The following GBF1 variants were observed in gnomAD, a reference collection of about 807,000 sequenced individuals.
GBF1 encodes Golgi-specific brefeldin A-resistance guanine nucleotide exchange factor 1.
In GBF1, 114 loss-of-function variants were observed where a neutral mutation model predicts 210.5. That is an observed-to-expected ratio of 0.54 (90% CI 0.47 to 0.63). The LOEUF (loss-of-function observed/expected upper bound fraction) is 0.63, where lower values mean the gene tolerates loss of function less well. GBF1 is among the 30% of genes least tolerant of loss of function. The probability of loss-of-function intolerance (pLI) is 0.00; values close to 1 mark genes in which losing one functional copy is unlikely to be tolerated. For missense variants in GBF1, 1,851 were observed against 2,357.7 expected, an observed-to-expected ratio of 0.79 and a Z score of 4.45; for synonymous variants, 850 against 889.2, an observed-to-expected ratio of 0.96 and a Z score of 0.78.
intron 3 of GBF1, among the ~76,000 whole-genome samples, chr10:102,265,005 C>T (rs755001590): frequency 3.3e-5 from 5 of 152,140 alleles, no homozygotes; most frequent in East Asian, 1.9e-4. Context: ...TCTTCAGTCT[C>T]GCAGCTAGAC....
chr10:102,376,865 A>T lies in GBF1; in HGVS notation c.4288+65A>T, dbSNP rs2060529149. On this transcript the variant is annotated intron_variant, in intron 32 of 39. Coordinates refer to ENST00000369983, the MANE Select transcript of GBF1 (RefSeq NM_001377137.1). ...GCAATTATGCAGGGGAGAGGCTGAGAGGGGAGAAAAGGCAGGGTATCTATG... is the reference window on the plus strand; with the variant it reads ...GCAATTATGCAGGGGAGAGGCTGAGTGGGGAGAAAAGGCAGGGTATCTATG... The T allele has an allele frequency of 1.1e-5, 17 of 1,608,266 alleles. No homozygotes were observed. The East Asian group carries it at 3.6e-4, about 34-fold the overall frequency.
chr10:102,269,347 A>C (rs1022267186), intron 3 of GBF1, among the ~76,000 whole-genome samples: 1 of 152,230 alleles, frequency 6.6e-6, no homozygotes, highest in Non-Finnish European at 1.5e-5. Flanking sequence ...AGGGCAATAA[A>C]TTGGCATATG....
In GBF1 at chr10:102,361,724, A is replaced by C. The variant is rs1197667682; in HGVS notation, c.1498A>C (p.Ile500Leu). Residue 500 changes from isoleucine (I) to leucine (L), a missense_variant, in exon 14 of 40, where the codon ATC becomes CTC. Ile to Leu is a conservative substitution (Grantham distance 5). This residue lies in a region of GBF1 where 804 missense variants were observed against 958.6 expected (regional missense o/e 0.84). Coordinates refer to ENST00000369983, the MANE Select transcript of GBF1 (RefSeq NM_001377137.1). ...EHLKFQMEMY[I>L]KKLMEIITVE... ...ATTACTGGGTTATTGCCAGATGTAC[A>C]TCAAAAAGCTTATGGAGATCATCAC... 6.3e-7 allele frequency: 1 copy of C among 1,574,870 alleles called. No homozygotes were observed. The highest frequency in any genetic ancestry group is 8.6e-7 in the Non-Finnish European group (1 of 1,160,068).
At chr10:102,288,764 C>T (rs1012554818) in intron 3 of GBF1, among the ~76,000 whole-genome samples, 4 of 147,012 alleles carry the variant, frequency 2.7e-5, no homozygotes, top group African/African-American at 9.9e-5. Context: ...TTACTTGTCA[C>T]TAGATAGATT....
At position 102,366,169 on chromosome 10, in the gene GBF1, T is replaced by A. The variant is rs2059902200; in HGVS notation, c.2310-214T>A. ...TCCATTCCAAAGGGGTAGAGCAGGG[T>A]TCCAGGGGGTGAGGGTTCTAGGCAA... On this transcript the variant is annotated intron_variant, in intron 18 of 39. Transcript: ENST00000369983. The surrounding 1 kb of genome is among the most constrained non-coding windows in gnomAD (Gnocchi z 4.0). Among the ~76,000 whole-genome samples the A allele has an allele frequency of 6.6e-6, 1 of 152,040 alleles. No individual in the cohort carries two copies. Among genetic ancestry groups the A allele is most frequent in the African/African-American group, 2.4e-5 (1 of 41,422 alleles).
chr10:102,324,305 G>C (rs1400795526), intron 3 of GBF1, among the ~76,000 whole-genome samples: 2 of 152,192 alleles, frequency 1.3e-5, no homozygotes, highest in Non-Finnish European at 2.9e-5. Flanking sequence ...GCCACAGCAT[G>C]TGTTTCAGTT....
intron 3 of GBF1, among the ~76,000 whole-genome samples, chr10:102,340,359 G>A (rs933936162): frequency 2.1e-5 from 3 of 142,458 alleles, no homozygotes; most frequent in Non-Finnish European, 4.5e-5. Flanking sequence ...TGCAAGCTCT[G>A]CCTCCCAGGT....
intron 1 of GBF1, among the ~76,000 whole-genome samples, chr10:102,258,069 T>C (rs1428716417): frequency 2.0e-5 from 3 of 152,034 alleles, no homozygotes; most frequent in Non-Finnish European, 4.4e-5. Context: ...TGAACTACCT[T>C]GAACTTCTAA....
intron 27 of GBF1, 61 bp downstream of exon 27, chr10:102,370,306 C>G: frequency 1.4e-6 from 2 of 1,460,714 alleles, no homozygotes; most frequent in Non-Finnish European, 1.9e-6. Flanking sequence ...GTGACAGGGA[C>G]AGTATTATTT....
At chr10:102,329,732 G>T (rs1287644290) in intron 3 of GBF1, among the ~76,000 whole-genome samples, 1 of 151,998 alleles carries the variant, frequency 6.6e-6, no homozygotes, top group Non-Finnish European at 1.5e-5. Context: ...CAAAGTGCTG[G>T]GATTACAGGT....
Position 102,363,852 on chromosome 10 carries a change from T to C in GBF1, c.2106+54T>C. On this transcript the variant is annotated intron_variant, in intron 17 of 39. Coordinates refer to ENST00000369983, the MANE Select transcript of GBF1 (RefSeq NM_001377137.1). This position sits in a 1 kb window ranked among gnomAD's most constrained non-coding sequence, Gnocchi z 4.2. The stretch of plus-strand genomic sequence containing the variant: ...CCACCTCTGTCTGGGTGTCCAGTGT[T>C]GTAGGGTTTCCATCTCAGAAGATGA... 2 of 1,058,434 alleles carry C rather than the reference T, an allele frequency of 1.9e-6. No homozygotes were observed. Among genetic ancestry groups the C allele is most frequent in the Non-Finnish European group, 2.9e-6 (2 of 680,182 alleles). 65.6% of individuals were successfully genotyped at this position (1,058,434 alleles called of 1,614,324 possible). A position where few individuals can be genotyped will look rare whatever the true frequency, so the allele number is the denominator to read the frequency against.
chr10:102,359,031 G>A, intron 10 of GBF1: 1 of 590,576 alleles, frequency 1.7e-6, no homozygotes, highest in Non-Finnish European at 3.0e-6. Flanking sequence ...CCTGTGAGAG[G>A]CTCTGTGTCT....
At chr10:102,353,965 C>T (rs1479220574) in intron 8 of GBF1, among the ~76,000 whole-genome samples, 1 of 152,152 alleles carries the variant, frequency 6.6e-6, no homozygotes, top group East Asian at 1.9e-4. Context: ...CCTGCCATCC[C>T]CTCAAGACTT....
chr10:102,381,316 G>A (rs1408581934), intron 39 of GBF1, 61 bp downstream of exon 39: 13 of 1,562,368 alleles, frequency 8.3e-6, no homozygotes, highest in Non-Finnish European at 1.1e-5. Context: ...CTAAGAGGAG[G>A]CCCAAGGGGG....
the GBF1 span, among the ~76,000 whole-genome samples, chr10:102,231,261 G>A: frequency 2.6e-5 from 4 of 152,206 alleles, no homozygotes; most frequent in African/African-American, 9.6e-5. Flanking sequence ...GGAGTCCGGG[G>A]TCGGAGAACA....
intron 29 of GBF1, among the ~76,000 whole-genome samples, 184 bp from the exon 30 acceptor site, chr10:102,375,175 A>C (rs11191272): frequency 6.6e-6 from 1 of 151,808 alleles, no homozygotes; most frequent in Non-Finnish European, 1.5e-5. Context: ...CCCTGTCTCA[A>C]ATAATATAAT....
chr10:102,270,783 A>G (rs979719460), intron 3 of GBF1, among the ~76,000 whole-genome samples: 2 of 152,184 alleles, frequency 1.3e-5, no homozygotes, highest in Non-Finnish European at 2.9e-5. Flanking sequence ...CCAAACTTTT[A>G]TAGCTATAAT....
chr10:102,285,398 C>G (rs977814666), intron 3 of GBF1, among the ~76,000 whole-genome samples: 1 of 152,194 alleles, frequency 6.6e-6, no homozygotes, highest in African/African-American at 2.4e-5. Flanking sequence ...TGATAAATGA[C>G]TGGCTCTTTT....
intron 33 of GBF1, among the ~76,000 whole-genome samples, chr10:102,378,055 T>TAAAAATAGA (rs2060613742): frequency 1.3e-5 from 2 of 150,140 alleles, no homozygotes; most frequent in Non-Finnish European, 3.0e-5. Flanking sequence ...CCGTCTCTAC[T>TAAAAATAGA]AAAAATAGAA....
Sources: allele counts gnomAD v4.1 joint callset (sites outside exome capture counted in the v4.1 genomes callset), GRCh38; gene constraint gnomAD v4.1.1; regional missense constraint gnomAD v4.1.1; non-coding constraint Gnocchi (gnomAD v3.1); transcripts MANE v1.5; gene names NCBI Gene and HGNC (gene_info 2026-07-23, HGNC 2026-07-21).